NNT: variants seen among roughly 807,000 people sequenced by gnomAD.
NNT encodes the protein nicotinamide nucleotide transhydrogenase, also known as NAD(P) transhydrogenase, mitochondrial.
In NNT, 50 loss-of-function variants were observed where a neutral mutation model predicts 104.8. The ratio of observed to expected loss-of-function variants is 0.48; its 90% CI spans 0.38 to 0.60. The LOEUF (loss-of-function observed/expected upper bound fraction) is 0.60, where lower values mean the gene tolerates loss of function less well. Among genes scored for constraint, NNT ranks in the 20% least tolerant of loss-of-function variants. NNT has a pLI of 0.00. For synonymous variants in NNT, 461 were observed against 490.4 expected, an observed-to-expected ratio of 0.94 and a Z score of 0.79; for missense variants, 1,131 against 1,330.7, an observed-to-expected ratio of 0.85 and a Z score of 2.33.
intron 7 of NNT, among the ~76,000 whole-genome samples, chr5:43,640,556 T>C (rs998092891): frequency 2.0e-5 from 3 of 152,114 alleles, no homozygotes; most frequent in Non-Finnish European, 4.4e-5. Context: ...TTATTTTATC[T>C]TTAAAATAAA....
intron 19 of NNT, among the ~76,000 whole-genome samples, chr5:43,681,214 C>A (rs559959819): frequency 1.4e-5 from 2 of 138,750 alleles, no homozygotes; most frequent in African/African-American, 5.5e-5. Context: ...GAGCCAAGAT[C>A]GTGCCATTGC....
At chr5:43,615,659 G>C (rs188689548) in intron 3 of NNT, among the ~76,000 whole-genome samples, 189 bp from the exon 4 acceptor site, 21 of 152,278 alleles carry the variant, frequency 1.4e-4, no homozygotes, top group African/African-American at 5.1e-4. Flanking sequence ...CAGGTCATTA[G>C]GCAGGGGATA....
chr5:43,607,018 T>A (rs1043011218), intron 1 of NNT, among the ~76,000 whole-genome samples: 9 of 151,830 alleles, frequency 5.9e-5, no homozygotes, highest in Non-Finnish European at 8.8e-5. Flanking sequence ...GACAGAGTCT[T>A]GCTCTCTCGC....
intron 19 of NNT, 38 bp from the exon 20 acceptor site, chr5:43,700,081 G>C: frequency 2.0e-6 from 3 of 1,536,738 alleles, no homozygotes; most frequent in Non-Finnish European, 2.7e-6. Flanking sequence ...ATTATGTCCT[G>C]TCAAGTAAGG....
chr5:43,622,858 AAT>A (rs1374414455), intron 5 of NNT, among the ~76,000 whole-genome samples: 2 of 151,198 alleles, frequency 1.3e-5, no homozygotes, highest in Non-Finnish European at 3.0e-5. Flanking sequence ...TGCTTTTTTA[AAT>A]TATGGTTTTT....
In NNT at chr5:43,628,348, A is replaced by G. The variant is rs1750478968; in HGVS notation, c.925A>G (p.Lys309Glu). ...AATGAAACTCTTTGCTCAACAATGC[A>G]AGGAGGTAGACATCCTTATCAGCAC... is the stretch of plus-strand genomic sequence containing the variant. Reference protein sequence around the residue: ...AEMKLFAQQCKEVDILISTAL... With the variant: ...AEMKLFAQQCEEVDILISTAL... Residue 309 changes from lysine to glutamate, a missense_variant, in exon 7 of 22, where the codon AAG becomes GAG. By Grantham distance (56) the Lys-to-Glu change is moderately conservative (BLOSUM62 1). Transcript: ENST00000344920. 1 of 1,613,628 alleles carries G rather than the reference A, an allele frequency of 6.2e-7. No individual in the cohort carries two copies. The highest frequency in any genetic ancestry group is 8.5e-7 in the Non-Finnish European group (1 of 1,179,778).
At chr5:43,653,668 T>G (rs936471181) in intron 14 of NNT, 1 of 152,558 alleles carries the variant, frequency 6.6e-6, no homozygotes, top group South Asian at 2.1e-4. Flanking sequence ...TTTTCAGGAA[T>G]TTTTAGGCTG....
At chr5:43,635,481 A>G (rs1340071890) in intron 7 of NNT, among the ~76,000 whole-genome samples, 3 of 152,186 alleles carry the variant, frequency 2.0e-5, no homozygotes, top group African/African-American at 7.2e-5. Context: ...CTGTGAAGGA[A>G]GCTGGGAATT....
chr5:43,697,122 G>A (rs924801534), intron 19 of NNT, among the ~76,000 whole-genome samples: 1 of 152,104 alleles, frequency 6.6e-6, no homozygotes, highest in Admixed American at 6.5e-5. Flanking sequence ...AAACTTTTAT[G>A]CTCTGTTTTC....
At chr5:43,659,715 A>C (rs192642452) in intron 17 of NNT, among the ~76,000 whole-genome samples, 196 of 152,224 alleles carry the variant, frequency 1.3e-3, no homozygotes, top group African/African-American at 4.4e-3. Context: ...TGACATAGCG[A>C]GACTCCATCT....
intron 7 of NNT, among the ~76,000 whole-genome samples, chr5:43,641,568 T>C (rs1751243019): frequency 6.6e-6 from 1 of 152,136 alleles, no homozygotes; most frequent in Non-Finnish European, 1.5e-5. Context: ...TATTGTATTA[T>C]GTAATATTAA....
intron 17 of NNT, among the ~76,000 whole-genome samples, chr5:43,673,480 A>C (rs1741242009): frequency 6.6e-6 from 1 of 152,184 alleles, no homozygotes; most frequent in African/African-American, 2.4e-5. Flanking sequence ...GAAATATCTT[A>C]ATGTCTGAAA....
At chr5:43,628,429 T>C (rs1188677162) in intron 7 of NNT, 42 bp downstream of exon 7, 2 of 1,441,016 alleles carry the variant, frequency 1.4e-6, no homozygotes, top group East Asian at 2.5e-5. Context: ...GCACTTTTAC[T>C]CTTTTTTTTT....
intron 19 of NNT, 74 bp downstream of exon 19, chr5:43,677,880 C>G: frequency 8.4e-7 from 1 of 1,194,364 alleles, no homozygotes; most frequent in Non-Finnish European, 1.2e-6. Flanking sequence ...TACAGTGGAC[C>G]CTTGAACAAT....
At position 43,655,922 on chromosome 5, in the gene NNT, T is replaced by C. The variant is rs56193661; in HGVS notation, c.2142T>C (p.Ala714=). The C allele has an allele frequency of 0.04, 64,004 of 1,614,154 alleles. 1,913 individuals carry two copies. The highest frequency in any genetic ancestry group is 0.15 in the African/African-American group (10,966 of 75,020). The change falls in exon 15 of 22, where the codon GCT becomes GCC. Residue 714 remains alanine (A), a synonymous_variant. Coordinates refer to ENST00000344920, the MANE Select transcript of NNT (RefSeq NM_182977.3). ...AAFHSLVGLA[A]VLTCIAEYII... ...TTCACAGTTTAGTGGGTTTGGCAGC[T>C]GTACTTACTTGCATAGCTGAGTACA...
chr5:43,616,029 G>T lies in NNT; in HGVS notation c.563G>T (p.Gly188Val). 6.2e-7 allele frequency: 1 copy of T among 1,614,084 alleles called. No homozygotes were observed. The highest frequency in any genetic ancestry group is 8.5e-7 in the Non-Finnish European group (1 of 1,180,008). Residue 188 changes from glycine (G) to valine (V), a missense_variant, in exon 4 of 22, where the codon GGA (glycine) becomes GTA (valine). By Grantham distance (109) the Gly-to-Val change is moderately radical. Transcript: ENST00000344920. Reference protein sequence around the residue: ...DQVPRVTIAQGYDALSSMANI... With the variant: ...DQVPRVTIAQVYDALSSMANI... ...GTTCCAAGAGTCACAATTGCTCAGGGATATGATGCGCTAAGCTCCATGGCC... is the reference window on the plus strand; with the variant it reads ...GTTCCAAGAGTCACAATTGCTCAGGTATATGATGCGCTAAGCTCCATGGCC...
intron 19 of NNT, among the ~76,000 whole-genome samples, chr5:43,692,389 T>C (rs1742333748): frequency 6.6e-6 from 1 of 152,148 alleles, no homozygotes; most frequent in South Asian, 2.1e-4. Flanking sequence ...AGTGGCGCGA[T>C]CCCAGCTCAC....
At chr5:43,694,106 T>C (rs1401195671) in intron 19 of NNT, among the ~76,000 whole-genome samples, 3 of 152,238 alleles carry the variant, frequency 2.0e-5, no homozygotes, top group Non-Finnish European at 4.4e-5. Flanking sequence ...ATAGGAATGC[T>C]AGTGATTTTT....
chr5:43,646,371 A>G lies in NNT; in HGVS notation c.1444+861A>G, dbSNP rs146018386. Among the ~76,000 whole-genome samples the G allele has an allele frequency of 4.1e-4, 63 of 152,160 alleles. No homozygotes were observed. In the East Asian group the frequency reaches 0.012, roughly 29 times the overall value. On this transcript the variant is annotated intron_variant, in intron 10 of 21. Coordinates refer to ENST00000344920, the MANE Select transcript of NNT (RefSeq NM_182977.3). ...TGTGATTACGGCTCACCATAGCCTC[A>G]ACTTCCTGGGGTTGAGGAAGGAAGC...
Sources: allele counts gnomAD v4.1 joint callset (sites outside exome capture counted in the v4.1 genomes callset), GRCh38; gene constraint gnomAD v4.1.1; transcripts MANE v1.5; gene names NCBI Gene and HGNC (gene_info 2026-07-23, HGNC 2026-07-21).